The following ATP8A1 variants were observed in gnomAD, a reference collection of about 807,000 sequenced individuals.
The protein encoded by ATP8A1 is phospholipid-transporting ATPase IA.
In ATP8A1, 90 loss-of-function variants were observed where a neutral mutation model predicts 177.7. The observed-to-expected ratio is 0.51, with a 90% confidence interval of 0.43 to 0.60. ATP8A1 has a LOEUF of 0.60. Ranked by LOEUF, ATP8A1 falls within the 20% of genes least tolerant of loss-of-function variation. The pLI is 0.00. For missense variants in ATP8A1, 1,072 were observed against 1,392.8 expected, an observed-to-expected ratio of 0.77 and a Z score of 3.67; for synonymous variants, 493 against 485.9, an observed-to-expected ratio of 1.01 and a Z score of -0.19.
At chr4:42,439,010 T>C (rs1215529214) in intron 33 of ATP8A1, among the ~76,000 whole-genome samples, 2 of 151,970 alleles carry the variant, frequency 1.3e-5, no homozygotes, top group African/African-American at 4.8e-5. Flanking sequence ...AATGGCTCTG[T>C]CTTTGCTGCA....
intron 20 of ATP8A1, among the ~76,000 whole-genome samples, chr4:42,525,434 A>C (rs2153199639): frequency 6.6e-6 from 1 of 152,306 alleles, no homozygotes; most frequent in South Asian, 2.1e-4. Flanking sequence ...ATCCACTGAG[A>C]GGGCCAGTGG....
intron 7 of ATP8A1, 191 bp from the exon 8 acceptor site, chr4:42,588,520 A>G: frequency 2.0e-6 from 1 of 494,720 alleles, no homozygotes; most frequent in East Asian, 3.5e-5. Flanking sequence ...CTCACGGATT[A>G]GCTTTTCAGC....
intron 19 of ATP8A1, among the ~76,000 whole-genome samples, chr4:42,546,159 G>C (rs944137507): frequency 1.3e-5 from 2 of 151,962 alleles, no homozygotes; most frequent in African/African-American, 4.8e-5. Flanking sequence ...TCGGTCCAAA[G>C]GTTATGCTGT....
At chr4:42,506,596 C>T (rs1560400788) in intron 23 of ATP8A1, among the ~76,000 whole-genome samples, 1 of 152,234 alleles carries the variant, frequency 6.6e-6, no homozygotes. Context: ...CGATCTTGAA[C>T]TTCCAGCTTC....
chr4:42,572,276 T>C lies in ATP8A1; in HGVS notation c.1295+2343A>G, dbSNP rs1014786321. Among the ~76,000 whole-genome samples the C allele has an allele frequency of 6.6e-5, 10 of 152,258 alleles. No individual in the cohort carries two copies. The East Asian group carries it at 1.7e-3, about 26-fold the overall frequency. ...AAATGCTGCTCTGGGGAAAATAAGATAGCAAAGCCAGGTCATTTCCCCCAT... is the reference window on the plus strand; with the variant it reads ...AAATGCTGCTCTGGGGAAAATAAGACAGCAAAGCCAGGTCATTTCCCCCAT... On this transcript the variant is annotated intron_variant, in intron 14 of 36. Coordinates refer to ENST00000381668, the MANE Select transcript of ATP8A1 (RefSeq NM_006095.2).
At chr4:42,612,911 G>T (rs1346072026) in intron 5 of ATP8A1, among the ~76,000 whole-genome samples, 1 of 152,120 alleles carries the variant, frequency 6.6e-6, no homozygotes, top group Non-Finnish European at 1.5e-5. Flanking sequence ...ATATAAAAGG[G>T]TTAACATTTG....
intron 33 of ATP8A1, among the ~76,000 whole-genome samples, chr4:42,425,870 A>T (rs1275946746): frequency 6.6e-6 from 1 of 152,120 alleles, no homozygotes; most frequent in East Asian, 1.9e-4. Flanking sequence ...AACCAAATGG[A>T]ATTTGCCACG....
intron 21 of ATP8A1, 83 bp from the exon 22 acceptor site, chr4:42,522,382 C>A: frequency 1.3e-6 from 2 of 1,507,544 alleles, no homozygotes; most frequent in South Asian, 1.2e-5. Context: ...TTCACAAAGT[C>A]CCATTTTGAA....
At chr4:42,631,685 A>G (rs1738751119) in intron 1 of ATP8A1, among the ~76,000 whole-genome samples, 1 of 152,180 alleles carries the variant, frequency 6.6e-6, no homozygotes, top group African/African-American at 2.4e-5. Context: ...GTTTAACCCC[A>G]TGACTTACCC....
chr4:42,586,311 G>T, intron 9 of ATP8A1, 38 bp downstream of exon 9: 1 of 1,608,800 alleles, frequency 6.2e-7, no homozygotes, highest in Non-Finnish European at 8.5e-7. Flanking sequence ...CTATGACACA[G>T]TGGATTCTGT....
chr4:42,581,780 TAAG>T (rs748543598), intron 9 of ATP8A1, 48 bp from the exon 10 acceptor site: 1 of 1,375,446 alleles, frequency 7.3e-7, no homozygotes, highest in South Asian at 1.2e-5. Context: ...CTAAAATGCT[TAAG>T]AACTCTAGTT....
chr4:42,455,317 C>T lies in ATP8A1; in HGVS notation c.2797G>A (p.Ala933Thr). 6.2e-7 allele frequency: 1 copy of T among 1,613,750 alleles called. No homozygotes were observed. Among genetic ancestry groups the T allele is most frequent in the Non-Finnish European group, 8.5e-7 (1 of 1,179,714 alleles). ...YPELYKTSQNALDFNTKVFWV... is the reference protein window; with the variant it reads ...YPELYKTSQNTLDFNTKVFWV... ...CCTACCTTGGTGTTGAAGTCCAGGG[C>T]ATTCTGAGATGTTTTGTATAATTCA... is the stretch of plus-strand genomic sequence containing the variant. The change falls in exon 29 of 37, where the codon GCC (alanine) becomes ACC (threonine). Residue 933 changes from alanine to threonine, a missense_variant. Ala to Thr is a moderately conservative substitution (Grantham distance 58). Coordinates refer to ENST00000381668, the MANE Select transcript of ATP8A1 (RefSeq NM_006095.2).
chr4:42,493,682 C>T (rs928153983), intron 24 of ATP8A1, among the ~76,000 whole-genome samples: 1 of 152,148 alleles, frequency 6.6e-6, no homozygotes, highest in Non-Finnish European at 1.5e-5. Context: ...CCTTGCTCTG[C>T]CGCGTACTGG....
chr4:42,428,028 C>G (rs1274639397), intron 33 of ATP8A1, among the ~76,000 whole-genome samples: 2 of 152,166 alleles, frequency 1.3e-5, no homozygotes, highest in African/African-American at 4.8e-5. Flanking sequence ...ATGTGCATCC[C>G]TCGGTCTGAA....
intron 1 of ATP8A1, among the ~76,000 whole-genome samples, chr4:42,631,735 A>G (rs1738756765): frequency 6.6e-6 from 1 of 152,174 alleles, no homozygotes; most frequent in Admixed American, 6.5e-5. Context: ...ACCTTCGAAC[A>G]CAAATTGATA....
intron 20 of ATP8A1, among the ~76,000 whole-genome samples, chr4:42,526,219 C>G (rs912689363): frequency 1.3e-5 from 1 of 75,026 alleles, no homozygotes; most frequent in South Asian, 3.8e-4. Flanking sequence ...TTTCTACCTT[C>G]TTTATAGTGT....
intron 33 of ATP8A1, among the ~76,000 whole-genome samples, chr4:42,436,316 C>T (rs1206729593): frequency 2.7e-5 from 2 of 74,932 alleles, no homozygotes; most frequent in Non-Finnish European, 5.9e-5. Flanking sequence ...ACACATTAGA[C>T]GCTCGATCTA....
intron 25 of ATP8A1, among the ~76,000 whole-genome samples, chr4:42,473,643 A>G (rs1720719776): frequency 6.6e-6 from 1 of 151,634 alleles, no homozygotes; most frequent in Admixed American, 6.6e-5. Flanking sequence ...TTATTTAATT[A>G]AATTGATAAA....
chr4:42,479,206 A>C (rs1721400375), intron 25 of ATP8A1, among the ~76,000 whole-genome samples: 1 of 152,204 alleles, frequency 6.6e-6, no homozygotes, highest in African/African-American at 2.4e-5. Context: ...AATCATCTAG[A>C]GCTGCTTTCA....
Sources: allele counts gnomAD v4.1 joint callset (sites outside exome capture counted in the v4.1 genomes callset), GRCh38; gene constraint gnomAD v4.1.1; transcripts MANE v1.5; gene names NCBI Gene and HGNC (gene_info 2026-07-23, HGNC 2026-07-21).